Variants in DGKI observed in about 807,000 individuals in gnomAD.
DGKI encodes DAG kinase iota.
DGKI carries 55 observed loss-of-function variants against 147.5 expected under a neutral mutation model. The observed-to-expected ratio is 0.37, with a 90% CI of 0.30 to 0.47. DGKI has a LOEUF of 0.47. DGKI is among the 20% of genes least tolerant of loss of function. The pLI is 1.00. For synonymous variants in DGKI, 469 were observed against 477.1 expected (o/e 0.98, Z 0.22); for missense variants, 1,007 against 1,323.8 (o/e 0.76, Z 3.71).
intron 1 of DGKI, among the ~76,000 whole-genome samples, chr7:137,760,024 A>T (rs1795810506): frequency 1.3e-5 from 2 of 152,152 alleles, no homozygotes; most frequent in African/African-American, 4.8e-5. Context: ...CCTGAGACAC[A>T]CAGATAGACT....
At chr7:137,673,510 C>T (rs10232098) in intron 3 of DGKI, among the ~76,000 whole-genome samples, 3,113 of 152,294 alleles carry the variant, frequency 0.02, 91 homozygotes, top group African/African-American at 0.072. Flanking sequence ...CTATAATGCT[C>T]ATCCAGAAAT....
chr7:137,747,664 G>A (rs1038882934), intron 1 of DGKI, among the ~76,000 whole-genome samples: 15 of 151,900 alleles, frequency 9.9e-5, no homozygotes, highest in African/African-American at 3.6e-4. Context: ...TGCTTTGTAC[G>A]TGTGTTTTGT....
At chr7:137,698,115 TATATAG>T (rs569627373) in intron 1 of DGKI, among the ~76,000 whole-genome samples, 66 of 123,394 alleles carry the variant, frequency 5.3e-4, no homozygotes, top group Non-Finnish European at 6.8e-4. Context: ...ACTCCAGATA[TATATAG>T]ATATAGATAT....
chr7:137,816,542 G>A (rs1797741675), intron 1 of DGKI, among the ~76,000 whole-genome samples: 1 of 152,178 alleles, frequency 6.6e-6, no homozygotes, highest in South Asian at 2.1e-4. Context: ...ACTTTTCCAT[G>A]CATTTTCCAA....
chr7:137,492,285 C>T (rs112989935), intron 21 of DGKI, among the ~76,000 whole-genome samples: 2 of 152,116 alleles, frequency 1.3e-5, no homozygotes, highest in East Asian at 3.9e-4. Context: ...CAGGATCCTC[C>T]AGGCAAGATA....
At chr7:137,673,742 T>C (rs910285881) in intron 3 of DGKI, among the ~76,000 whole-genome samples, 1 of 152,182 alleles carries the variant, frequency 6.6e-6, no homozygotes, top group Non-Finnish European at 1.5e-5. Context: ...AATTTGCATA[T>C]CAATGTAGGC....
chr7:137,427,550 C>G (rs1812868977), intron 28 of DGKI, among the ~76,000 whole-genome samples: 1 of 152,098 alleles, frequency 6.6e-6, no homozygotes, highest in South Asian at 2.1e-4. Context: ...TAACTAAAAT[C>G]AGAGTAGAAC....
At chr7:137,759,351 A>AT (rs1795786306) in intron 1 of DGKI, among the ~76,000 whole-genome samples, 1 of 114,958 alleles carries the variant, frequency 8.7e-6, no homozygotes, top group Admixed American at 8.5e-5. Context: ...TTTTTTCTTT[A>AT]TTTTTTTGAG....
At chr7:137,450,905 C>T (rs868815307) in intron 27 of DGKI, among the ~76,000 whole-genome samples, 19 of 151,758 alleles carry the variant, frequency 1.3e-4, no homozygotes, top group Non-Finnish European at 2.2e-4. Flanking sequence ...TCCATATTGT[C>T]TCTAAAATAA....
In DGKI at chr7:137,846,161, T is replaced by TCTCTCTCACA. The variant is rs781580130; in HGVS notation, c.401+300_401+301insTGTGAGAGAG. Among the ~76,000 whole-genome samples the TCTCTCTCACA allele has an allele frequency of 2.9e-3, 318 of 108,184 alleles. No homozygotes were observed. Among genetic ancestry groups the TCTCTCTCACA allele is most frequent in the East Asian group, 3.9e-3 (14 of 3,564 alleles). The allele number at this position is 108,184 out of a possible 152,430, so 71.0% of individuals were successfully genotyped here. A position where few individuals can be genotyped will look rare whatever the true frequency, so the allele number is the denominator to read the frequency against. ...CTCTCTCTCTCTCTCTCTCTCTCTC[T>TCTCTCTCACA]CACACACACACACACACACACACAC... On this transcript the variant is annotated intron_variant, in intron 1 of 32. Coordinates refer to ENST00000614521, the MANE Select transcript of DGKI (RefSeq NM_001321708.2). The surrounding 1 kb of genome is among the most constrained non-coding windows in gnomAD (Gnocchi z 4.0).
intron 6 of DGKI, among the ~76,000 whole-genome samples, chr7:137,638,680 A>G (rs1156319139): frequency 7.3e-6 from 1 of 137,290 alleles, no homozygotes; most frequent in Non-Finnish European, 1.5e-5. Context: ...ATACACACGT[A>G]TGTACACACA....
At chr7:137,722,193 C>T in intron 1 of DGKI, 2 of 1,601,032 alleles carry the variant, frequency 1.2e-6, no homozygotes, top group Non-Finnish European at 1.7e-6. Context: ...AGGCCATGTA[C>T]AAGAGGAAGT....
intron 23 of DGKI, among the ~76,000 whole-genome samples, chr7:137,479,101 A>T (rs1232969018): frequency 6.6e-6 from 1 of 152,176 alleles, no homozygotes; most frequent in African/African-American, 2.4e-5. Flanking sequence ...ATGATTCATC[A>T]AAGAGATAAG....
intron 21 of DGKI, among the ~76,000 whole-genome samples, chr7:137,489,397 G>A (rs1261116256): frequency 4.6e-5 from 7 of 152,078 alleles, no homozygotes; most frequent in Non-Finnish European, 8.8e-5. Flanking sequence ...CTTTGGGGGA[G>A]TAATAATCAT....
chr7:137,815,865 T>C (rs554685675), intron 1 of DGKI, among the ~76,000 whole-genome samples: 1 of 152,306 alleles, frequency 6.6e-6, no homozygotes, highest in South Asian at 2.1e-4. Context: ...CTTTCTATTT[T>C]CATTATGGGT....
At chr7:137,694,384 C>T (rs1823717054) in intron 1 of DGKI, among the ~76,000 whole-genome samples, 1 of 151,930 alleles carries the variant, frequency 6.6e-6, no homozygotes, top group Non-Finnish European at 1.5e-5. Context: ...TTTCTAATTA[C>T]CCACTTTGCA....
intron 1 of DGKI, among the ~76,000 whole-genome samples, chr7:137,772,374 G>C (rs4732267): frequency 0.46 from 69,711 of 151,948 alleles, 18,598 homozygotes; most frequent in African/African-American, 0.76. Context: ...AGAGCTATTC[G>C]TGATTCACCC....
rs79376594 is a variant in DGKI at position 137,574,126 on chromosome 7, G to T, written c.1762-1288C>A. ...AGTATAATGATTTTGCTAGTGGTCA[G>T]GTTGTCTCCAGCACCTGCATTTTTT... is the stretch of plus-strand genomic sequence containing the variant. On this transcript the variant is annotated intron_variant, in intron 17 of 32. Coordinates refer to ENST00000614521, the MANE Select transcript of DGKI (RefSeq NM_001321708.2). Among the ~76,000 whole-genome samples, 606 of 152,282 alleles carry T rather than the reference G, an allele frequency of 4.0e-3. 4 individuals are homozygous for T. The highest frequency in any genetic ancestry group is 9.3e-3 in the Admixed American group (143 of 15,298).
intron 5 of DGKI, among the ~76,000 whole-genome samples, chr7:137,650,610 C>T (rs6946782): frequency 0.1 from 15,737 of 152,012 alleles, 2,306 homozygotes; most frequent in African/African-American, 0.33. Flanking sequence ...TAAAAGAGAC[C>T]ACAGAAAGCT....
Sources: gnomAD v4.1 joint callset for allele counts (sites outside exome capture counted in the v4.1 genomes callset) on GRCh38, gnomAD v4.1.1 for gene constraint, Gnocchi (gnomAD v3.1) non-coding constraint, MANE v1.5 for transcripts, NCBI Gene and HGNC (gene_info 2026-07-23, HGNC 2026-07-21) for gene names.